NPAS2: variants seen among roughly 807,000 people sequenced by gnomAD.
NPAS2 encodes neuronal PAS domain protein 2, also known as neuronal PAS domain-containing protein 2.
NPAS2 carries 23 observed loss-of-function variants against 107.5 expected under a neutral mutation model. The ratio of observed to expected loss-of-function variants is 0.21; its 90% CI spans 0.15 to 0.30. NPAS2 has a LOEUF of 0.30. NPAS2 is among the 10% of genes least tolerant of loss of function. The pLI is 1.00. For synonymous variants in NPAS2, 403 were observed against 417.5 expected (o/e 0.97, Z 0.42); for missense variants, 756 against 1,043.3 (o/e 0.72, Z 3.79).
intron 10 of NPAS2, among the ~76,000 whole-genome samples, chr2:100,967,746 G>A (rs1676312315): frequency 6.6e-6 from 1 of 152,142 alleles, no homozygotes; most frequent in South Asian, 2.1e-4. Flanking sequence ...TCACTATGGG[G>A]GGGCTGCAAG....
intron 1 of NPAS2, chr2:100,821,307 A>G: frequency 4.2e-6 from 4 of 957,858 alleles, no homozygotes; most frequent in Non-Finnish European, 5.7e-6. Context: ...CACAAAGTCT[A>G]AACACTCCCG....
At position 100,897,541 on chromosome 2, in the gene NPAS2, G is replaced by A. The variant is rs920357912; in HGVS notation, c.-22-7192G>A. Among the ~76,000 whole-genome samples, 8 of 152,042 alleles carry A rather than the reference G, an allele frequency of 5.3e-5. No individual in the cohort carries two copies. In the East Asian group the frequency reaches 1.5e-3, roughly 29 times the overall value. ...AAAGCAATCACCGGGCTGGCCTCTG[G>A]GCTGTTCCTCGCTTTCCTTGCTGTC... On this transcript the variant is annotated intron_variant, in intron 1 of 20. Transcript: ENST00000335681.
At chr2:100,891,522 TCTC>T (rs1681069313) in intron 1 of NPAS2, among the ~76,000 whole-genome samples, 1 of 152,120 alleles carries the variant, frequency 6.6e-6, no homozygotes, top group Admixed American at 6.5e-5. Flanking sequence ...CCCAACAGAT[TCTC>T]CTATCGATTG....
chr2:100,828,873 A>G (rs1159226742), intron 1 of NPAS2, among the ~76,000 whole-genome samples: 1 of 152,166 alleles, frequency 6.6e-6, no homozygotes. Flanking sequence ...TCCTTTGGCT[A>G]TTCAAGCTCT....
At chr2:100,892,044 C>T (rs2104701769) in intron 1 of NPAS2, among the ~76,000 whole-genome samples, 1 of 152,306 alleles carries the variant, frequency 6.6e-6, no homozygotes, top group African/African-American at 2.4e-5. Context: ...ATTGTCCACA[C>T]CCTGACCACA....
chr2:100,857,559 A>C (rs2104510356), intron 1 of NPAS2, among the ~76,000 whole-genome samples: 1 of 152,236 alleles, frequency 6.6e-6, no homozygotes. Context: ...CACTGCAGTG[A>C]CTTGGTAACC....
intron 1 of NPAS2, chr2:100,821,049 G>A (rs1676039860): frequency 1.5e-6 from 2 of 1,304,028 alleles, no homozygotes; most frequent in Non-Finnish European, 2.0e-6. Context: ...GGTTTTGTTG[G>A]GAGATGTGCC....
At chr2:100,933,301 TAGAG>T (rs1684088206) in intron 4 of NPAS2, among the ~76,000 whole-genome samples, 1 of 152,040 alleles carries the variant, frequency 6.6e-6, no homozygotes. Flanking sequence ...TCGAGGTAGG[TAGAG>T]AGAGGAGAAG....
At chr2:100,931,791 A>G (rs112682528) in intron 3 of NPAS2, among the ~76,000 whole-genome samples, 7,994 of 152,232 alleles carry the variant, frequency 0.053, 680 homozygotes, top group African/African-American at 0.18. Flanking sequence ...GCCATAACTC[A>G]GCTCTTTACA....
At chr2:100,979,498 ATATATTTTTT>A (rs1476565471) in intron 15 of NPAS2, among the ~76,000 whole-genome samples, 1,588 of 56,146 alleles carry the variant, frequency 0.028, 10 homozygotes, top group African/African-American at 0.045. Context: ...ATATATATAT[ATATATTTTTT>A]TTTTTTTTTT....
chr2:100,940,553 C>T (rs1674516402), intron 5 of NPAS2, among the ~76,000 whole-genome samples: 1 of 152,194 alleles, frequency 6.6e-6, no homozygotes, highest in Non-Finnish European at 1.5e-5. Context: ...AAGAGTCACT[C>T]ACATGCGTTA....
At chr2:100,980,201 C>T (rs1316423848) in intron 15 of NPAS2, among the ~76,000 whole-genome samples, 2 of 152,192 alleles carry the variant, frequency 1.3e-5, no homozygotes, top group African/African-American at 4.8e-5. Context: ...ACCTCCTAAC[C>T]CAGCCCATCG....
intron 1 of NPAS2, among the ~76,000 whole-genome samples, chr2:100,866,120 G>A (rs182420310): frequency 2.4e-4 from 37 of 152,328 alleles, no homozygotes; most frequent in Admixed American, 2.4e-3. Flanking sequence ...GGCCCTAGCT[G>A]TGCCATCAGT....
At chr2:100,918,150 G>A (rs542849815) in intron 2 of NPAS2, among the ~76,000 whole-genome samples, 6 of 151,798 alleles carry the variant, frequency 4.0e-5, no homozygotes, top group South Asian at 2.1e-4. Flanking sequence ...AATGTAATCC[G>A]TTATGTTATG....
At chr2:100,863,130 C>T (rs1679047058) in intron 1 of NPAS2, among the ~76,000 whole-genome samples, 4 of 152,220 alleles carry the variant, frequency 2.6e-5, no homozygotes, top group African/African-American at 4.8e-5. Flanking sequence ...AACAGCCCGA[C>T]CTTCTCACTG....
intron 1 of NPAS2, among the ~76,000 whole-genome samples, chr2:100,896,314 C>T (rs904085592): frequency 2.0e-4 from 31 of 152,186 alleles, no homozygotes; most frequent in African/African-American, 7.5e-4. Context: ...AAGTCGGAAA[C>T]CCCCTATTCT....
At chr2:100,851,638 G>C (rs915379406) in intron 1 of NPAS2, among the ~76,000 whole-genome samples, 1 of 152,222 alleles carries the variant, frequency 6.6e-6, no homozygotes, top group South Asian at 2.1e-4. Flanking sequence ...GTTGTTTCTC[G>C]AGACTACAGA....
chr2:100,878,709 C>T (rs1475982127), intron 1 of NPAS2: 4 of 580,034 alleles, frequency 6.9e-6, no homozygotes, highest in African/African-American at 4.1e-5. Flanking sequence ...CACTGATACC[C>T]AACTATAAGG....
chr2:100,953,532 T>C (rs1675372339), intron 7 of NPAS2, among the ~76,000 whole-genome samples: 1 of 152,080 alleles, frequency 6.6e-6, no homozygotes, highest in African/African-American at 2.4e-5. Flanking sequence ...AAGCTCACCC[T>C]AGGAGTGCTT....
Sources: gnomAD v4.1 joint callset for allele counts (sites outside exome capture counted in the v4.1 genomes callset) on GRCh38, gnomAD v4.1.1 for gene constraint, MANE v1.5 for transcripts, NCBI Gene and HGNC (gene_info 2026-07-23, HGNC 2026-07-21) for gene names.